Variants in PCDH7 observed in about 807,000 individuals in gnomAD.
PCDH7 encodes the protein protocadherin-7.
A neutral mutation model predicts 58.9 loss-of-function variants in PCDH7; 17 were observed. The observed-to-expected ratio is 0.29, with a 90% CI of 0.20 to 0.43. The LOEUF is 0.43. Ranked by LOEUF, PCDH7 falls within the 20% of genes least tolerant of loss-of-function variation. PCDH7 has a pLI of 1.00. For synonymous variants in PCDH7, 664 were observed against 616.4 expected (o/e 1.08, Z -1.14); for missense variants, 1,274 against 1,441.0 (o/e 0.88, Z 1.88).
At chr4:30,915,201 C>G (rs143804706) in intron 1 of PCDH7, among the ~76,000 whole-genome samples, 7 of 152,102 alleles carry the variant, frequency 4.6e-5, no homozygotes, top group African/African-American at 1.7e-4. Flanking sequence ...TTACAGAAAT[C>G]TTTGTTTTAA....
At chr4:30,833,719 A>C (rs950039000) in intron 1 of PCDH7, among the ~76,000 whole-genome samples, 1 of 152,224 alleles carries the variant, frequency 6.6e-6, no homozygotes, top group Non-Finnish European at 1.5e-5. Context: ...ATACAAGGAA[A>C]GTACTTTACA....
At chr4:31,015,047 A>G (rs1344713067) in intron 3 of PCDH7, among the ~76,000 whole-genome samples, 4 of 152,306 alleles carry the variant, frequency 2.6e-5, no homozygotes, top group East Asian at 1.9e-4. Context: ...TTCCTTTTCA[A>G]TGAAACTGTG....
chr4:31,134,185 G>C (rs987605697), intron 3 of PCDH7, among the ~76,000 whole-genome samples: 4 of 152,166 alleles, frequency 2.6e-5, no homozygotes, highest in African/African-American at 9.7e-5. Flanking sequence ...GAATGGGCCA[G>C]GCACGGTGGC....
chr4:30,735,297 TC>T (rs1200332009), downstream of PCDH7, among the ~76,000 whole-genome samples: 2 of 152,158 alleles, frequency 1.3e-5, no homozygotes, highest in African/African-American at 4.8e-5. Context: ...TAATCCATGC[TC>T]ACCGATAAAC....
chr4:30,840,222 A>T (rs577053099), intron 1 of PCDH7, among the ~76,000 whole-genome samples: 12 of 152,196 alleles, frequency 7.9e-5, no homozygotes, highest in African/African-American at 2.6e-4. Flanking sequence ...GAAAAAAAAG[A>T]CACAAAACTG....
chr4:30,768,180 T>C (rs1244464049), intron 1 of PCDH7, among the ~76,000 whole-genome samples: 1 of 152,226 alleles, frequency 6.6e-6, no homozygotes, highest in Non-Finnish European at 1.5e-5. Context: ...ATCAATCAAT[T>C]GATGAGCCTT....
chr4:30,867,483 T>G (rs1369357416), intron 1 of PCDH7, among the ~76,000 whole-genome samples: 2 of 152,152 alleles, frequency 1.3e-5, no homozygotes, highest in African/African-American at 4.8e-5. Flanking sequence ...TCTTTTAAGA[T>G]GGTACATGAT....
intron 3 of PCDH7, among the ~76,000 whole-genome samples, chr4:31,069,026 A>G (rs1758324984): frequency 6.6e-6 from 1 of 151,918 alleles, no homozygotes; most frequent in Non-Finnish European, 1.5e-5. Context: ...TTAAGTACCT[A>G]TAACTTCTTA....
chr4:30,851,388 C>T (rs1415762912), intron 1 of PCDH7, among the ~76,000 whole-genome samples: 1 of 151,914 alleles, frequency 6.6e-6, no homozygotes, highest in Non-Finnish European at 1.5e-5. Context: ...GTTTACCAGG[C>T]TCCCAAATCT....
Position 31,071,437 on chromosome 4 carries a change from G to A in PCDH7, c.*8-71036G>A, listed in dbSNP as rs1578715563. Among the ~76,000 whole-genome samples, 10 of 151,980 alleles carry A rather than the reference G, an allele frequency of 6.6e-5. 1 individual carries two copies. The South Asian group carries it at 2.1e-3, about 31-fold the overall frequency. ...GAAATGTTGTGTGCTTTTTTTGCAG[G>A]AGAGGGGGCAGCCTTTCATAAACTG... is the stretch of plus-strand genomic sequence containing the variant. On this transcript the variant is annotated intron_variant, in intron 3 of 3. Coordinates refer to the PCDH7 transcript ENST00000509759.
intron 1 of PCDH7, among the ~76,000 whole-genome samples, chr4:30,851,746 T>C (rs893506518): frequency 2.2e-4 from 33 of 152,072 alleles, no homozygotes; most frequent in African/African-American, 7.7e-4. Flanking sequence ...GAAGTAACCA[T>C]TACTTCTTTA....
At chr4:31,046,497 G>C (rs1756301556) in intron 3 of PCDH7, among the ~76,000 whole-genome samples, 1 of 151,938 alleles carries the variant, frequency 6.6e-6, no homozygotes, top group Admixed American at 6.6e-5. Context: ...CAAATAATCA[G>C]GGTTACAGTT....
chr4:30,876,353 A>C (rs1444145840), intron 1 of PCDH7, among the ~76,000 whole-genome samples: 1 of 152,172 alleles, frequency 6.6e-6, no homozygotes, highest in Non-Finnish European at 1.5e-5. Flanking sequence ...AGTTAAAATG[A>C]CTGTTCTTGT....
chr4:31,136,314 A>G (rs979948301), intron 3 of PCDH7, among the ~76,000 whole-genome samples: 4 of 152,194 alleles, frequency 2.6e-5, no homozygotes. Context: ...AGTAGGTATT[A>G]TTATCTCACA....
chr4:30,770,531 G>A (rs1483551320), intron 1 of PCDH7, among the ~76,000 whole-genome samples: 1 of 152,200 alleles, frequency 6.6e-6, no homozygotes, highest in Non-Finnish European at 1.5e-5. Flanking sequence ...CTAGCTGGAT[G>A]ATAGCTTGTA....
intron 1 of PCDH7, among the ~76,000 whole-genome samples, chr4:30,740,388 G>A (rs1716902213): frequency 6.6e-6 from 1 of 152,052 alleles, no homozygotes; most frequent in African/African-American, 2.4e-5. Flanking sequence ...ACAAAAGATG[G>A]GAAGATGCAT....
chr4:30,948,953 T>C (rs536604284), intron 2 of PCDH7, among the ~76,000 whole-genome samples: 1 of 152,282 alleles, frequency 6.6e-6, no homozygotes, highest in South Asian at 2.1e-4. Flanking sequence ...CAAACCCTAA[T>C]GATCCTTGTG....
rs570164183 is a variant in PCDH7, at chr4:31,117,941, C to A, written c.*8-24532C>A. 2.0e-4 allele frequency among the ~76,000 whole-genome samples: 31 copies of A among 152,272 alleles called. No homozygotes were observed. The South Asian group carries it at 6.4e-3, about 32-fold the overall frequency. On this transcript the variant is annotated intron_variant, in intron 3 of 3. Transcript: ENST00000509759. ...AGCTACGTTTTATTTGTTTTTATCA[C>A]TCCTGGAACATTTCACTTAATTTAT...
intron 3 of PCDH7, among the ~76,000 whole-genome samples, chr4:30,991,216 G>T (rs184990075): frequency 1.8e-4 from 28 of 152,312 alleles, no homozygotes; most frequent in Admixed American, 1.6e-3. Context: ...AATGATGTCT[G>T]CTAAATTATG....
Sources: gnomAD v4.1 joint callset for allele counts (sites outside exome capture counted in the v4.1 genomes callset) on GRCh38, gnomAD v4.1.1 for gene constraint, MANE v1.5 for transcripts, NCBI Gene and HGNC (gene_info 2026-07-23, HGNC 2026-07-21) for gene names.